SKAP2: variants seen among roughly 807,000 people sequenced by gnomAD.
SKAP2 encodes the protein src kinase-associated phosphoprotein 2.
Under a neutral mutation model 54.9 loss-of-function variants are expected in SKAP2, and 28 were observed. That is an observed-to-expected ratio of 0.51 (90% CI 0.38 to 0.70). SKAP2 has a LOEUF of 0.70. SKAP2 is among the 30% of genes least tolerant of loss of function. SKAP2 has a pLI of 0.00. For synonymous variants in SKAP2, 137 were observed against 134.3 expected, an observed-to-expected ratio of 1.02 and a Z score of -0.14; for missense variants, 356 against 424.1, an observed-to-expected ratio of 0.84 and a Z score of 1.41.
At chr7:26,725,225 T>C (rs1787674532) in intron 9 of SKAP2, among the ~76,000 whole-genome samples, 1 of 152,140 alleles carries the variant, frequency 6.6e-6, no homozygotes, top group African/African-American at 2.4e-5. Context: ...TTTTCGTAAG[T>C]TACATCTACT....
At chr7:26,786,980 A>G (rs1369121886) in intron 4 of SKAP2, among the ~76,000 whole-genome samples, 2 of 152,188 alleles carry the variant, frequency 1.3e-5, no homozygotes, top group African/African-American at 4.8e-5. Context: ...AACACATTAT[A>G]TATCCACATG....
chr7:26,828,351 A>T (rs1784534975), intron 4 of SKAP2, among the ~76,000 whole-genome samples: 1 of 152,204 alleles, frequency 6.6e-6, no homozygotes, highest in Non-Finnish European at 1.5e-5. Context: ...ACGATGTTAA[A>T]GGCTAGAGAA....
chr7:26,745,378 C>CT (rs1234606830), intron 4 of SKAP2, among the ~76,000 whole-genome samples: 3 of 152,184 alleles, frequency 2.0e-5, no homozygotes, highest in Admixed American at 6.5e-5. Flanking sequence ...ACAACCATAT[C>CT]TTTTTTCCTG....
At chr7:26,753,620 C>T (rs970210877) in intron 4 of SKAP2, among the ~76,000 whole-genome samples, 5 of 152,038 alleles carry the variant, frequency 3.3e-5, no homozygotes, top group African/African-American at 1.2e-4. Flanking sequence ...TTTAATACAC[C>T]TTTCACAGTA....
intron 9 of SKAP2, among the ~76,000 whole-genome samples, chr7:26,702,775 A>G (rs1286439918): frequency 3.9e-5 from 6 of 152,348 alleles, no homozygotes; most frequent in Admixed American, 6.5e-5. Context: ...TTTAATATTT[A>G]TAGGGCAATT....
At chr7:26,812,457 A>C (rs1242595332) in intron 4 of SKAP2, among the ~76,000 whole-genome samples, 1 of 152,068 alleles carries the variant, frequency 6.6e-6, no homozygotes, top group African/African-American at 2.4e-5. Flanking sequence ...ATCTGTTCTA[A>C]ACCTTAGGAG....
At chr7:26,679,519 G>T (rs533341132) in intron 11 of SKAP2, among the ~76,000 whole-genome samples, 21 of 152,262 alleles carry the variant, frequency 1.4e-4, no homozygotes, top group Admixed American at 6.5e-4. Context: ...GCAAACAAAT[G>T]CAAGCACAAA....
In SKAP2 at chr7:26,817,143, G is replaced by C. The variant is rs754961525; in HGVS notation, c.307+26887C>G. Among the ~76,000 whole-genome samples, 14 of 152,174 alleles carry C rather than the reference G, an allele frequency of 9.2e-5. 1 individual carries two copies. In the South Asian group the frequency reaches 1.5e-3, roughly 16 times the overall value. ...ACACATTCCCCCACCATGATTTTGG[G>C]ATAAAAAGCTGTTCAATCTTTATAT... On this transcript the variant is annotated intron_variant, in intron 4 of 12. Coordinates refer to ENST00000345317, the MANE Select transcript of SKAP2 (RefSeq NM_003930.5).
At chr7:26,855,768 T>C (rs1423517228) in intron 1 of SKAP2, among the ~76,000 whole-genome samples, 2 of 152,088 alleles carry the variant, frequency 1.3e-5, no homozygotes, top group African/African-American at 4.8e-5. Context: ...TTCTTATTAT[T>C]CATGAAATAC....
At chr7:26,814,770 G>A (rs898739292) in intron 4 of SKAP2, among the ~76,000 whole-genome samples, 18 of 151,932 alleles carry the variant, frequency 1.2e-4, no homozygotes, top group South Asian at 2.1e-4. Flanking sequence ...TCTAAAAGAC[G>A]TTTATCATGT....
chr7:26,826,091 C>T (rs1562625968), intron 4 of SKAP2, among the ~76,000 whole-genome samples: 1 of 150,268 alleles, frequency 6.7e-6, no homozygotes, highest in African/African-American at 2.5e-5. Context: ...TTTGGGCACA[C>T]GATCCAGACC....
chr7:26,720,610 G>A (rs1284688102), intron 9 of SKAP2, among the ~76,000 whole-genome samples: 1 of 152,080 alleles, frequency 6.6e-6, no homozygotes, highest in East Asian at 1.9e-4. Flanking sequence ...ATTTATAAAG[G>A]AAAGAGGTTT....
intron 3 of SKAP2, among the ~76,000 whole-genome samples, chr7:26,847,559 A>G (rs1784951827): frequency 6.6e-6 from 1 of 152,214 alleles, no homozygotes; most frequent in Non-Finnish European, 1.5e-5. Flanking sequence ...CAAATCAACA[A>G]TAGGCATCAG....
At chr7:26,809,744 C>T (rs1784101069) in intron 4 of SKAP2, among the ~76,000 whole-genome samples, 1 of 152,144 alleles carries the variant, frequency 6.6e-6, no homozygotes, top group South Asian at 2.1e-4. Flanking sequence ...TCCAGTAATC[C>T]CACTTCTGGG....
intron 9 of SKAP2, among the ~76,000 whole-genome samples, chr7:26,691,566 A>G (rs186322041): frequency 9.2e-5 from 14 of 152,358 alleles, no homozygotes; most frequent in Non-Finnish European, 1.6e-4. Flanking sequence ...CCAAGGAGGT[A>G]AAAGTAACAG....
In SKAP2 at chr7:26,725,512, C is replaced by T; in HGVS notation, c.712G>A (p.Asp238Asn). Reference protein sequence around the residue: ...EDYDERGELYDDVDHPLPISN... With the variant: ...EDYDERGELYNDVDHPLPISN... Reference sequence around the variant, plus strand: ...ATTGGTAGAGGATGATCAACATCATCATATAATTCTCCTCTCTCATCATAA... The same window carrying T: ...ATTGGTAGAGGATGATCAACATCATTATATAATTCTCCTCTCTCATCATAA... Residue 238 changes from aspartate to asparagine, a missense_variant, in exon 9 of 13, where the codon GAT becomes AAT. Coordinates refer to ENST00000345317, the MANE Select transcript of SKAP2 (RefSeq NM_003930.5). 6.2e-7 allele frequency: 1 copy of T among 1,611,320 alleles called. No individual in the cohort carries two copies. The highest frequency in any genetic ancestry group is 1.3e-5 in the African/African-American group (1 of 74,938).
chr7:26,861,499 A>G (rs1785270553), intron 1 of SKAP2, among the ~76,000 whole-genome samples: 1 of 152,114 alleles, frequency 6.6e-6, no homozygotes, highest in East Asian at 1.9e-4. Context: ...AACATTTTAT[A>G]AAAAGCATAG....
rs149364661 is a variant in SKAP2 at position 26,802,166 on chromosome 7, T to C, written c.307+41864A>G. 1.6e-3 allele frequency among the ~76,000 whole-genome samples: 241 copies of C among 151,148 alleles called. 1 individual carries two copies. Among genetic ancestry groups the C allele is most frequent in the African/African-American group, 5.6e-3 (232 of 41,192 alleles). Reference sequence around the variant, plus strand: ...GCACAAAAACAGACACATAGACCAATGGAACAGATTAAAGAACACAGAAGC... The same window carrying C: ...GCACAAAAACAGACACATAGACCAACGGAACAGATTAAAGAACACAGAAGC... On this transcript the variant is annotated intron_variant, in intron 4 of 12. Transcript: ENST00000345317.
intron 4 of SKAP2, among the ~76,000 whole-genome samples, chr7:26,818,992 A>G (rs892374313): frequency 6.6e-6 from 1 of 152,198 alleles, no homozygotes; most frequent in Non-Finnish European, 1.5e-5. Context: ...AATTAGTTCA[A>G]CCATTGTGGA....
Sources: allele counts gnomAD v4.1 joint callset (sites outside exome capture counted in the v4.1 genomes callset), GRCh38; gene constraint gnomAD v4.1.1; transcripts MANE v1.5; gene names NCBI Gene and HGNC (gene_info 2026-07-23, HGNC 2026-07-21).